The following COG5 variants were observed in gnomAD, a reference collection of about 807,000 sequenced individuals.
COG5 encodes the protein conserved oligomeric Golgi complex subunit 5.
COG5 carries 86 observed loss-of-function variants against 110.4 expected under a neutral mutation model. The observed-to-expected ratio is 0.78, with a 90% confidence interval of 0.65 to 0.93. COG5 has a LOEUF of 0.93. Among genes scored for constraint, COG5 ranks in the 40% least tolerant of loss-of-function variants. The pLI is 0.00. For missense variants in COG5, 1,077 were observed against 987.0 expected, an observed-to-expected ratio of 1.09 and a Z score of -1.22; for synonymous variants, 360 against 334.6, an observed-to-expected ratio of 1.08 and a Z score of -0.83.
At chr7:107,437,592 G>C (rs17154080) in intron 6 of COG5, among the ~76,000 whole-genome samples, 2,247 of 152,170 alleles carry the variant, frequency 0.015, 56 homozygotes, top group African/African-American at 0.052. Flanking sequence ...CTCTGTGACA[G>C]TTGCTCTCTT....
chr7:107,376,314 TA>T lies in COG5; in HGVS notation c.670-3555del, dbSNP rs1814633648. Among the ~76,000 whole-genome samples, 3 of 151,962 alleles carry T rather than the reference TA, an allele frequency of 2.0e-5. No individual in the cohort carries two copies. In the East Asian group the frequency reaches 5.8e-4, roughly 29 times the overall value. On this transcript the variant is annotated intron_variant, in intron 7 of 21. Transcript: ENST00000297135. Reference sequence around the variant, plus strand: ...ATTGGCTTGACAAATGTCCTTTTTTTAAAAAAGTTTTCAGGTATTGTTTGAG... The same window carrying T: ...ATTGGCTTGACAAATGTCCTTTTTTTAAAAAGTTTTCAGGTATTGTTTGAG...
At chr7:107,489,070 G>C (rs1024792380) in intron 6 of COG5, among the ~76,000 whole-genome samples, 2 of 151,954 alleles carry the variant, frequency 1.3e-5, no homozygotes, top group African/African-American at 4.8e-5. Flanking sequence ...ATTAGGCCAG[G>C]CTATGAAAAC....
chr7:107,233,369 G>A (rs566417164), intron 18 of COG5, among the ~76,000 whole-genome samples: 2 of 152,284 alleles, frequency 1.3e-5, no homozygotes, highest in South Asian at 4.1e-4. Flanking sequence ...TTAATTACCT[G>A]TAGGAAACCA....
chr7:107,272,503 C>T (rs11769527), intron 14 of COG5, among the ~76,000 whole-genome samples: 24,103 of 152,224 alleles, frequency 0.16, 2,341 homozygotes, highest in Non-Finnish European at 0.22. Context: ...AGTCCTCAAC[C>T]TTGGCAAAAT....
chr7:107,439,990 C>A (rs1352149446), intron 6 of COG5, among the ~76,000 whole-genome samples: 1 of 152,082 alleles, frequency 6.6e-6, no homozygotes, highest in Non-Finnish European at 1.5e-5. Context: ...TATCCTCAGC[C>A]CCAACATCCT....
In COG5 at chr7:107,554,292, C is replaced by G. The variant is rs746581392; in HGVS notation, c.285G>C (p.Ser95=). 1 of 1,613,706 alleles carries G rather than the reference C, an allele frequency of 6.2e-7. No homozygotes were observed. Among genetic ancestry groups the G allele is most frequent in the South Asian group, 1.1e-5 (1 of 91,060 alleles). Residue 95 remains serine, a synonymous_variant, in exon 3 of 22, where the codon TCG becomes TCC. Coordinates refer to ENST00000297135, the MANE Select transcript of COG5 (RefSeq NM_006348.5). The part of the protein sequence containing the change: ...DLLAQATGIE[S]LEGVLQMMQT... ...CAGTTATTAGAAATATACCTTCCAA[C>G]GACTCAATCCCAGTTGCTTGTGCCA...
At chr7:107,282,947 A>G (rs568834461) in intron 13 of COG5, among the ~76,000 whole-genome samples, 2 of 152,360 alleles carry the variant, frequency 1.3e-5, no homozygotes, top group South Asian at 2.1e-4. Flanking sequence ...ATCTACTATT[A>G]TGACAACTTG....
chr7:107,387,337 C>T (rs1221970947), intron 7 of COG5, among the ~76,000 whole-genome samples: 3 of 152,102 alleles, frequency 2.0e-5, no homozygotes, highest in Non-Finnish European at 2.9e-5. Context: ...GAGGTGCAAA[C>T]GGGAAGGTCC....
intron 6 of COG5, among the ~76,000 whole-genome samples, chr7:107,518,123 C>T (rs1344074361): frequency 6.6e-6 from 1 of 152,118 alleles, no homozygotes; most frequent in African/African-American, 2.4e-5. Flanking sequence ...GATTTCATCA[C>T]CACCAGGCCT....
At chr7:107,421,680 C>T (rs1452098210) in intron 6 of COG5, among the ~76,000 whole-genome samples, 1 of 151,620 alleles carries the variant, frequency 6.6e-6, no homozygotes, top group African/African-American at 2.4e-5. Context: ...GAAGCTTGAA[C>T]CTGGGGGCGG....
intron 19 of COG5, 105 bp from the exon 20 acceptor site, chr7:107,211,330 T>A: frequency 7.5e-7 from 1 of 1,333,444 alleles, no homozygotes; most frequent in Non-Finnish European, 1.1e-6. Context: ...CTAGATTGGC[T>A]ACTGAAGGAG....
intron 8 of COG5, among the ~76,000 whole-genome samples, chr7:107,366,606 A>C (rs2129047941): frequency 6.6e-6 from 1 of 152,154 alleles, no homozygotes; most frequent in East Asian, 1.9e-4. Flanking sequence ...TGGACAGTCA[A>C]GAAAAAGCAA....
At position 107,417,813 on chromosome 7, in the gene COG5, CTT is replaced by C. The variant is rs201476249; in HGVS notation, c.539-5183_539-5182del. The stretch of plus-strand genomic sequence containing the variant: ...ATACTGTTTATTAACTATATTTCCT[CTT>C]GAGAATTTCTAAATAATTTTTGCTC... On this transcript the variant is annotated intron_variant, in intron 6 of 21. Transcript: ENST00000297135. Among the ~76,000 whole-genome samples, 1,056 of 152,214 alleles carry C rather than the reference CTT, an allele frequency of 6.9e-3. 9 individuals carry two copies. The highest frequency in any genetic ancestry group is 0.014 in the Middle Eastern group (4 of 294).
chr7:107,342,192 C>G (rs1006577967), intron 10 of COG5, among the ~76,000 whole-genome samples: 10 of 151,872 alleles, frequency 6.6e-5, no homozygotes, highest in African/African-American at 2.4e-4. Context: ...CAAATAATCT[C>G]ATTAAAAAGT....
intron 6 of COG5, among the ~76,000 whole-genome samples, chr7:107,501,500 C>T (rs959520144): frequency 2.6e-5 from 4 of 151,756 alleles, no homozygotes; most frequent in East Asian, 1.9e-4. Context: ...TTAAAATGTA[C>T]GAAAAACAAC....
rs1798291330 is a variant in COG5, at chr7:107,201,411, C to A, written c.*2105G>T. Reference sequence around the variant, plus strand: ...TTCACTGAGTTTAATTTTATTTCCACAGGGCTCACAACAACATTAAACCAG... The same window carrying A: ...TTCACTGAGTTTAATTTTATTTCCAAAGGGCTCACAACAACATTAAACCAG... On this transcript the variant is annotated 3_prime_UTR_variant, in exon 22 of 22. Transcript: ENST00000297135. The A allele has an allele frequency of 6.4e-7, 1 of 1,568,554 alleles. No homozygotes were observed. Among genetic ancestry groups the A allele is most frequent in the Admixed American group, 1.7e-5 (1 of 59,496 alleles).
At chr7:107,292,769 T>C (rs1806285102) in intron 12 of COG5, among the ~76,000 whole-genome samples, 1 of 152,188 alleles carries the variant, frequency 6.6e-6, no homozygotes, top group Non-Finnish European at 1.5e-5. Context: ...CCCCAGCACC[T>C]GGGGCCCATT....
intron 19 of COG5, among the ~76,000 whole-genome samples, chr7:107,217,846 C>G (rs997495538): frequency 2.6e-5 from 4 of 151,956 alleles, no homozygotes; most frequent in African/African-American, 9.7e-5. Context: ...ATTCATAATC[C>G]TACTGGAGGT....
Position 107,300,535 on chromosome 7 carries a change from T to C in COG5, c.1109-2189A>G, listed in dbSNP as rs527441378. ...CAGTCATATGTCTGTATACTAGCAATGAACAATCAGAAGTTGAAATTTTAA... is the reference window on the plus strand; with the variant it reads ...CAGTCATATGTCTGTATACTAGCAACGAACAATCAGAAGTTGAAATTTTAA... On this transcript the variant is annotated intron_variant, in intron 11 of 21. Coordinates refer to ENST00000297135, the MANE Select transcript of COG5 (RefSeq NM_006348.5). 8.5e-5 allele frequency among the ~76,000 whole-genome samples: 13 copies of C among 152,234 alleles called. No homozygotes were observed. The South Asian group carries it at 2.3e-3, about 27-fold the overall frequency.
Sources: allele counts gnomAD v4.1 joint callset (sites outside exome capture counted in the v4.1 genomes callset), GRCh38; gene constraint gnomAD v4.1.1; transcripts MANE v1.5; gene names NCBI Gene and HGNC (gene_info 2026-07-23, HGNC 2026-07-21).